Variants in LMTK2 observed in about 807,000 individuals in gnomAD.
The protein encoded by LMTK2 is serine/threonine-protein kinase LMTK2.
Under a neutral mutation model 127.5 loss-of-function variants are expected in LMTK2, and 37 were observed. The ratio of observed to expected loss-of-function variants is 0.29; its 90% CI spans 0.22 to 0.38. The LOEUF is 0.38. LMTK2 is among the 10% of genes least tolerant of loss of function. The pLI is 1.00. For synonymous variants in LMTK2, 819 were observed against 810.1 expected (o/e 1.01, Z -0.19); for missense variants, 1,694 against 1,920.3 (o/e 0.88, Z 2.20).
intron 1 of LMTK2, among the ~76,000 whole-genome samples, chr7:98,132,187 T>A (rs1796529087): frequency 6.6e-6 from 1 of 151,900 alleles, no homozygotes; most frequent in African/African-American, 2.4e-5. Flanking sequence ...CATTAGCTCA[T>A]GATGATACCA....
chr7:98,137,192 T>G, intron 1 of LMTK2, 123 bp from the exon 2 acceptor site: 2 of 854,158 alleles, frequency 2.3e-6, no homozygotes, highest in Non-Finnish European at 3.5e-6. Context: ...CATCAGCTTT[T>G]TCTCGAGCAT....
At chr7:98,199,337 A>G (rs893989835) in intron 11 of LMTK2, among the ~76,000 whole-genome samples, 1 of 151,986 alleles carries the variant, frequency 6.6e-6, no homozygotes, top group Non-Finnish European at 1.5e-5. Context: ...AGATTTGTCT[A>G]TTTCTCTTTT....
At chr7:98,190,007 C>CAA (rs5886053) in intron 9 of LMTK2, among the ~76,000 whole-genome samples, 7,176 of 143,248 alleles carry the variant, frequency 0.05, 591 homozygotes, top group East Asian at 0.37. Flanking sequence ...ATTTTTCTAC[C>CAA]AAAAAAAAAA....
intron 6 of LMTK2, among the ~76,000 whole-genome samples, chr7:98,168,169 T>C (rs574920646): frequency 6.9e-4 from 103 of 149,274 alleles, no homozygotes; most frequent in Non-Finnish European, 1.4e-3. Flanking sequence ...AGTGGAGGGC[T>C]GGGGAGGGGA....
chr7:98,147,749 C>G (rs562255910), intron 3 of LMTK2, among the ~76,000 whole-genome samples: 1 of 152,278 alleles, frequency 6.6e-6, no homozygotes, highest in South Asian at 2.1e-4. Flanking sequence ...CTGATTCTGT[C>G]TGCCCAAATT....
chr7:98,204,227 G>T lies in LMTK2; in HGVS notation c.4483+41G>T. 2.9e-6 allele frequency: 3 copies of T among 1,033,630 alleles called. No individual in the cohort carries two copies. In the South Asian group the frequency reaches 3.8e-5, roughly 13 times the overall value. The allele number at this position is 1,033,630 out of a possible 1,614,324, so 64.0% of individuals were successfully genotyped here. On this transcript the variant is annotated intron_variant, in intron 13 of 13. Coordinates refer to ENST00000297293, the MANE Select transcript of LMTK2 (RefSeq NM_014916.4). ...TGCTGGGGATTGGGAGTGCAGGGTCGGGGGTGGGGCGCTGCAGCTGGGAGA... is the reference window on the plus strand; with the variant it reads ...TGCTGGGGATTGGGAGTGCAGGGTCTGGGGTGGGGCGCTGCAGCTGGGAGA...
In LMTK2 at chr7:98,194,062, C is replaced by A. The variant is rs1461645612; in HGVS notation, c.3597C>A (p.Ser1199Arg). ...QQVHPTEDEA[S>R]SPWSVLNAEL... The stretch of plus-strand genomic sequence containing the variant: ...TGCATCCCACGGAAGACGAGGCCAG[C>A]AGTCCCTGGAGTGTGCTGAATGCAG... Residue 1199 changes from serine to arginine, a missense_variant, in exon 11 of 14, where the codon AGC (serine) becomes AGA (arginine). By Grantham distance (110) the Ser-to-Arg change is moderately radical (BLOSUM62 -1). Around this residue, in one of 8 missense-constraint regions of LMTK2, gnomAD observed 554 missense variants for 567.7 expected, o/e 0.98. Coordinates refer to ENST00000297293, the MANE Select transcript of LMTK2 (RefSeq NM_014916.4). This position sits in a 1 kb window ranked among gnomAD's most constrained non-coding sequence, Gnocchi z 5.4. 3 of 1,614,154 alleles carry A rather than the reference C, an allele frequency of 1.9e-6. No homozygotes were observed. In the Admixed American group the frequency reaches 5.0e-5, roughly 27 times the overall value.
chr7:98,195,218 C>T (rs1315840747), intron 11 of LMTK2, among the ~76,000 whole-genome samples: 1 of 152,144 alleles, frequency 6.6e-6, no homozygotes, highest in Non-Finnish European at 1.5e-5. Flanking sequence ...GCAGTAGGAC[C>T]CACCACTTGG....
chr7:98,166,010 C>T (rs547425424), intron 6 of LMTK2, among the ~76,000 whole-genome samples: 48 of 152,330 alleles, frequency 3.2e-4, no homozygotes, highest in South Asian at 2.9e-3. Context: ...TTCCAGTGCC[C>T]GGCCCTGTGC....
In LMTK2 at chr7:98,140,142, CTTTTCTTTTCTTTTCTTTTCT is replaced by C. The variant is rs1562902693; in HGVS notation, c.232-1251_232-1231del. Among the ~76,000 whole-genome samples, 392 of 67,084 alleles carry C rather than the reference CTTTTCTTTTCTTTTCTTTTCT, an allele frequency of 5.8e-3. 92 individuals carry two copies. Among genetic ancestry groups the C allele is most frequent in the East Asian group, 0.022 (20 of 894 alleles). The allele number at this position is 67,084 out of a possible 152,430, so 44.0% of individuals were successfully genotyped here. A position where few individuals can be genotyped will look rare whatever the true frequency, so the allele number is the denominator to read the frequency against. On this transcript the variant is annotated intron_variant, in intron 2 of 13. Coordinates refer to ENST00000297293, the MANE Select transcript of LMTK2 (RefSeq NM_014916.4). ...TCTTTCTTTCTTTCTTTCTTTCTTTCTTTTCTTTTCTTTTCTTTTCTTTTCTTTTCTTTCTTTTCTTTCTTC... is the reference window on the plus strand; with the variant it reads ...TCTTTCTTTCTTTCTTTCTTTCTTTCTTTCTTTTCTTTCTTTTCTTTCTTC...
Position 98,183,147 on chromosome 7 carries a change from A to C in LMTK2, c.792-1904A>C, listed in dbSNP as rs557679702. On this transcript the variant is annotated intron_variant, in intron 7 of 13. Transcript: ENST00000297293. ...TTGACATATTTAAAAATGGCCCTGCAAAACTGTCTCTTAGAGGCAAAATCT... is the reference window on the plus strand; with the variant it reads ...TTGACATATTTAAAAATGGCCCTGCCAAACTGTCTCTTAGAGGCAAAATCT... Among the ~76,000 whole-genome samples the C allele has an allele frequency of 4.6e-5, 7 of 152,264 alleles. No individual in the cohort carries two copies. The East Asian group carries it at 1.3e-3, about 29-fold the overall frequency.
chr7:98,147,404 T>C (rs1430372717), intron 3 of LMTK2, among the ~76,000 whole-genome samples: 6 of 152,138 alleles, frequency 3.9e-5, no homozygotes, highest in African/African-American at 7.2e-5. Flanking sequence ...TAATTTCTTA[T>C]AGAGGCAGCA....
chr7:98,130,229 C>T (rs1047169672), intron 1 of LMTK2, among the ~76,000 whole-genome samples: 4 of 151,854 alleles, frequency 2.6e-5, no homozygotes, highest in Admixed American at 1.3e-4. Context: ...AGCCAGGCAA[C>T]GTTGGATGCT....
chr7:98,120,042 T>TA (rs200680624), intron 1 of LMTK2, among the ~76,000 whole-genome samples: 2,916 of 152,228 alleles, frequency 0.019, 37 homozygotes, highest in Non-Finnish European at 0.028. Context: ...TATGATGAGC[T>TA]AAAAAAAGTA....
intron 7 of LMTK2, among the ~76,000 whole-genome samples, chr7:98,172,028 G>A (rs1445098117): frequency 6.6e-6 from 1 of 152,164 alleles, no homozygotes; most frequent in Non-Finnish European, 1.5e-5. Context: ...CCACCCGCCC[G>A]GTTTCATGGT....
Position 98,194,548 on chromosome 7 carries a change from T to C in LMTK2, c.4083T>C (p.Asp1361=), listed in dbSNP as rs1181560009. The C allele has an allele frequency of 7.5e-6, 12 of 1,607,622 alleles. No individual in the cohort carries two copies. The highest frequency in any genetic ancestry group is 1.0e-5 in the Non-Finnish European group (12 of 1,179,884). Residue 1361 remains aspartate (D), a synonymous_variant, in exon 11 of 14, where the codon GAT becomes GAC. Transcript: ENST00000297293. This position sits in a 1 kb window ranked among gnomAD's most constrained non-coding sequence, Gnocchi z 5.4. ...KEKKAVTFFD[D]VTVYLFDQET... ...AGAAGGCAGTCACGTTTTTCGATGA[T>C]GTCACAGTCTACCTGTTTGACCAGG...
intron 9 of LMTK2, among the ~76,000 whole-genome samples, chr7:98,187,311 A>G (rs1797450805): frequency 6.6e-6 from 1 of 152,210 alleles, no homozygotes; most frequent in African/African-American, 2.4e-5. Flanking sequence ...TTGAAGTGAA[A>G]GAAGAAACTG....
In LMTK2 at chr7:98,107,304, G is replaced by T. The variant is rs1208221851; in HGVS notation, c.103+24G>T. ...AGGTGAGCGGGCCCGCGGCGGGGAC[G>T]GGGCTGCGGGGTCTTCGGCGTGGAG... On this transcript the variant is annotated intron_variant, in intron 1 of 13. Coordinates refer to ENST00000297293, the MANE Select transcript of LMTK2 (RefSeq NM_014916.4). 9.2e-6 allele frequency: 12 copies of T among 1,304,940 alleles called. No homozygotes were observed. In the East Asian group the frequency reaches 9.4e-5, roughly 10 times the overall value. The allele number at this position is 1,304,940 out of a possible 1,614,324, so 80.8% of individuals were successfully genotyped here. A position where few individuals can be genotyped will look rare whatever the true frequency, so the allele number is the denominator to read the frequency against.
intron 6 of LMTK2, among the ~76,000 whole-genome samples, chr7:98,170,629 A>G (rs1797169198): frequency 1.3e-5 from 2 of 152,048 alleles, no homozygotes; most frequent in African/African-American, 4.8e-5. Context: ...TTGCTTTCTA[A>G]ATTTTATTAA....
Sources: allele counts gnomAD v4.1 joint callset (sites outside exome capture counted in the v4.1 genomes callset), GRCh38; gene constraint gnomAD v4.1.1; regional missense constraint gnomAD v4.1.1; non-coding constraint Gnocchi (gnomAD v3.1); transcripts MANE v1.5; gene names NCBI Gene and HGNC (gene_info 2026-07-23, HGNC 2026-07-21).